CUEDC1: variants seen among roughly 807,000 people sequenced by gnomAD.
The protein encoded by CUEDC1 is CUE domain containing 1.
A neutral mutation model predicts 43.7 loss-of-function variants in CUEDC1; 30 were observed. The ratio of observed to expected loss-of-function variants is 0.69; its 90% CI spans 0.51 to 0.93. The LOEUF (loss-of-function observed/expected upper bound fraction) is 0.93, where lower values mean the gene tolerates loss of function less well. Ranked by LOEUF, CUEDC1 falls within the 40% of genes least tolerant of loss-of-function variation. The pLI is 0.00. For synonymous variants in CUEDC1, 223 were observed against 223.6 expected (o/e 1.00, Z 0.02); for missense variants, 486 against 549.0 (o/e 0.89, Z 1.15).
rs2074178885 is a variant in CUEDC1, at chr17:57,879,747, G to C, written c.337-9C>G. ...AAAGTCCTTTCCAAGATCTAAATCA[G>C]AGGCAACAGAGAAAGAAATATTAAT... is the stretch of plus-strand genomic sequence containing the variant. On this transcript the variant is annotated splice_polypyrimidine_tract_variant and intron_variant, in intron 2 of 10. Transcript: ENST00000577830. 6 of 1,591,322 alleles carry C rather than the reference G, an allele frequency of 3.8e-6. No individual in the cohort carries two copies. The highest frequency in any genetic ancestry group is 5.1e-6 in the Non-Finnish European group (6 of 1,172,140).
chr17:57,885,750 G>T lies in CUEDC1; in HGVS notation c.-186C>A. 2.1e-6 allele frequency: 2 copies of T among 973,290 alleles called. No homozygotes were observed. Among genetic ancestry groups the T allele is most frequent in the Non-Finnish European group, 2.7e-6 (2 of 746,338 alleles). The allele number at this position is 973,290 out of a possible 1,614,324, so 60.3% of individuals were successfully genotyped here. On this transcript the variant is annotated 5_prime_UTR_variant, in exon 2 of 11. Transcript: ENST00000577830. The stretch of plus-strand genomic sequence containing the variant: ...CCGGGTTAGGAGAGTACGGGCGCGG[G>T]GCCCCAGGCAGCCCTTGGAGAGCGG...
chr17:57,881,648 G>A (rs946649974), intron 2 of CUEDC1, among the ~76,000 whole-genome samples: 1 of 152,194 alleles, frequency 6.6e-6, no homozygotes, highest in African/African-American at 2.4e-5. Context: ...TCAGAGTGAG[G>A]TGGGTGAGCA....
At chr17:57,939,406 A>G (rs1179579794) in intron 1 of CUEDC1, among the ~76,000 whole-genome samples, 2 of 149,314 alleles carry the variant, frequency 1.3e-5, no homozygotes, top group Non-Finnish European at 3.0e-5. Context: ...CTGGGACTAC[A>G]GGCACACATC....
chr17:57,954,250 C>G lies in CUEDC1; in HGVS notation c.-316+975G>C, dbSNP rs1030172247. 6.6e-6 allele frequency among the ~76,000 whole-genome samples: 1 copy of G among 152,140 alleles called. No homozygotes were observed. Among genetic ancestry groups the G allele is most frequent in the African/African-American group, 2.4e-5 (1 of 41,422 alleles). On this transcript the variant is annotated intron_variant, in intron 1 of 10. Transcript: ENST00000577830. The surrounding 1 kb of genome is among the most constrained non-coding windows in gnomAD (Gnocchi z 4.3). ...CGCTGACTGCGGATCAGGTGGGGAG[C>G]ACGGTGGATGGTCTTCTTGTATCCT...
chr17:57,905,547 G>T (rs1171569490), intron 1 of CUEDC1, among the ~76,000 whole-genome samples: 2 of 152,120 alleles, frequency 1.3e-5, no homozygotes, highest in African/African-American at 4.8e-5. Flanking sequence ...CCCCAAACAG[G>T]CTATGATCTG....
chr17:57,935,378 G>GACACACAC (rs146002407), intron 1 of CUEDC1, among the ~76,000 whole-genome samples: 35,899 of 141,808 alleles, frequency 0.25, 5,705 homozygotes, highest in East Asian at 0.79. Context: ...CCTTCCATTA[G>GACACACAC]ACACACACAC....
intron 1 of CUEDC1, among the ~76,000 whole-genome samples, chr17:57,951,933 A>G (rs1318449602): frequency 6.6e-6 from 1 of 152,224 alleles, no homozygotes; most frequent in Non-Finnish European, 1.5e-5. Context: ...AGAGTCTGTG[A>G]TAATGCGCTG....
intron 2 of CUEDC1, 38 bp from the exon 3 acceptor site, chr17:57,879,776 C>A: frequency 6.3e-7 from 1 of 1,577,400 alleles, no homozygotes; most frequent in South Asian, 1.2e-5. Flanking sequence ...TATTAATCAT[C>A]CCTCCTTGAA....
intron 1 of CUEDC1, among the ~76,000 whole-genome samples, chr17:57,937,896 G>T (rs937853809): frequency 3.9e-5 from 6 of 152,116 alleles, no homozygotes; most frequent in Non-Finnish European, 7.4e-5. Context: ...GACAGAGAGA[G>T]ACCTAGTCTC....
chr17:57,901,793 A>G (rs1434507681), intron 1 of CUEDC1, among the ~76,000 whole-genome samples: 2 of 152,258 alleles, frequency 1.3e-5, no homozygotes, highest in Admixed American at 1.3e-4. Flanking sequence ...AGAAAACAGC[A>G]TGAGAAGCAG....
intron 2 of CUEDC1, among the ~76,000 whole-genome samples, chr17:57,880,273 G>C (rs1040185640): frequency 1.3e-5 from 2 of 152,286 alleles, no homozygotes; most frequent in Non-Finnish European, 2.9e-5. Context: ...GTACCTCCAC[G>C]TCTCTGATCT....
intron 1 of CUEDC1, among the ~76,000 whole-genome samples, chr17:57,935,376 T>TACACACACAC (rs1458815787): frequency 2.6e-5 from 1 of 38,188 alleles, no homozygotes; most frequent in Non-Finnish European, 9.0e-5. Flanking sequence ...TCCCTTCCAT[T>TACACACACAC]AGACACACAC....
intron 1 of CUEDC1, among the ~76,000 whole-genome samples, chr17:57,896,377 A>G (rs1342953686): frequency 6.6e-6 from 1 of 152,156 alleles, no homozygotes; most frequent in African/African-American, 2.4e-5. Flanking sequence ...ATGCTATTCA[A>G]TAACAAACAA....
At chr17:57,928,329 C>T (rs2074768561) in intron 1 of CUEDC1, among the ~76,000 whole-genome samples, 1 of 152,058 alleles carries the variant, frequency 6.6e-6, no homozygotes, top group South Asian at 2.1e-4. Context: ...GTGGGCGGAT[C>T]ACCAGGTCAG....
At chr17:57,943,553 A>G (rs1266606049) in intron 1 of CUEDC1, among the ~76,000 whole-genome samples, 1 of 152,164 alleles carries the variant, frequency 6.6e-6, no homozygotes, top group Admixed American at 6.5e-5. Flanking sequence ...TGTCTCAAGA[A>G]TTCACCATCC....
chr17:57,952,390 CA>C (rs1209675399), intron 1 of CUEDC1, among the ~76,000 whole-genome samples: 1 of 151,970 alleles, frequency 6.6e-6, no homozygotes, highest in Non-Finnish European at 1.5e-5. Flanking sequence ...CCACACCCAG[CA>C]AATTTTTGTA....
At chr17:57,946,743 C>T (rs2074963016) in intron 1 of CUEDC1, among the ~76,000 whole-genome samples, 1 of 152,160 alleles carries the variant, frequency 6.6e-6, no homozygotes, top group African/African-American at 2.4e-5. Flanking sequence ...TAGCTCGAGG[C>T]TCAGTGGTCC....
In CUEDC1 at chr17:57,955,270, GGCCGCGGGCCGGGC is replaced by G. The variant is rs2075046720; in HGVS notation, c.-375_-362del. 2.0e-5 allele frequency: 3 copies of G among 146,602 alleles called. No homozygotes were observed. The highest frequency in any genetic ancestry group is 7.4e-5 in the African/African-American group (3 of 40,680). The allele number at this position is 146,602 out of a possible 1,614,324, so 9.1% of individuals were successfully genotyped here. On this transcript the variant is annotated 5_prime_UTR_variant, in exon 1 of 11. Coordinates refer to ENST00000577830, the MANE Select transcript of CUEDC1 (RefSeq NM_001271875.2). This position sits in a 1 kb window ranked among gnomAD's most constrained non-coding sequence, Gnocchi z 5.3. ...CGCTCCGCGCGGGCCGCAGGGGCCG[GGCCGCGGGCCGGGC>G]GGGGGAGGGGCTGCAATCCGCAGCG...
rs1239577613 is a variant in CUEDC1 at position 57,862,024 on chromosome 17, T to TACGCC, written c.*1260_*1264dup. 1 of 152,214 alleles carries TACGCC rather than the reference T, an allele frequency of 6.6e-6. No individual in the cohort carries two copies. The highest frequency in any genetic ancestry group is 1.5e-5 in the Non-Finnish European group (1 of 68,032). The allele number at this position is 152,214 out of a possible 1,614,324, so 9.4% of individuals were successfully genotyped here. On this transcript the variant is annotated 3_prime_UTR_variant, in exon 11 of 11. Transcript: ENST00000577830. ...GGTGCGATCGCCGGCTCGCCTTCGC[T>TACGCC]ACGCCCTTGTGATCTTGGGGCCACG... is the stretch of plus-strand genomic sequence containing the variant.
Sources: gnomAD v4.1 joint callset for allele counts (sites outside exome capture counted in the v4.1 genomes callset) on GRCh38, gnomAD v4.1.1 for gene constraint, Gnocchi (gnomAD v3.1) non-coding constraint, MANE v1.5 for transcripts, NCBI Gene and HGNC (gene_info 2026-07-23, HGNC 2026-07-21) for gene names.